Variants in KIAA1217 observed in about 807,000 individuals in gnomAD.
KIAA1217 encodes KIAA1217.
Under a neutral mutation model 163.9 loss-of-function variants are expected in KIAA1217, and 88 were observed. The ratio of observed to expected loss-of-function variants is 0.54; its 90% CI spans 0.45 to 0.64. The LOEUF is 0.64. Ranked by LOEUF, KIAA1217 falls within the 30% of genes least tolerant of loss-of-function variation. The pLI, the probability that KIAA1217 is intolerant of heterozygous loss-of-function variation, is 0.00. For missense variants in KIAA1217, 2,372 were observed against 2,475.0 expected (o/e 0.96, Z 0.88); for synonymous variants, 903 against 923.1 (o/e 0.98, Z 0.39).
At chr10:24,277,818 A>C (rs373357347) in intron 2 of KIAA1217, among the ~76,000 whole-genome samples, 1 of 152,186 alleles carries the variant, frequency 6.6e-6, no homozygotes, top group East Asian at 1.9e-4. Context: ...TAATCGCAGC[A>C]TGAGAATGGC....
intron 2 of KIAA1217, among the ~76,000 whole-genome samples, chr10:24,302,715 G>A (rs930756981): frequency 2.0e-5 from 3 of 152,068 alleles, no homozygotes; most frequent in Non-Finnish European, 2.9e-5. Flanking sequence ...AAGGGAAATC[G>A]ACACAGGAGA....
intron 2 of KIAA1217, among the ~76,000 whole-genome samples, chr10:24,168,871 G>A (rs1305813619): frequency 3.9e-5 from 6 of 152,214 alleles, no homozygotes; most frequent in Non-Finnish European, 8.8e-5. Context: ...AGAATCTAAA[G>A]AGGCCATTTT....
At chr10:24,195,324 C>T (rs369842498) in intron 2 of KIAA1217, among the ~76,000 whole-genome samples, 3 of 152,138 alleles carry the variant, frequency 2.0e-5, no homozygotes, top group South Asian at 2.1e-4. Context: ...AGACCCTGAC[C>T]GAGAAAACCA....
chr10:24,408,561 C>T (rs1212224423), intron 3 of KIAA1217, among the ~76,000 whole-genome samples: 1 of 152,204 alleles, frequency 6.6e-6, no homozygotes, highest in Non-Finnish European at 1.5e-5. Context: ...AGCCTTGGCT[C>T]ATCCCCTGCC....
At chr10:24,475,526 G>A (rs542884992) in intron 6 of KIAA1217, among the ~76,000 whole-genome samples, 2 of 152,248 alleles carry the variant, frequency 1.3e-5, no homozygotes, top group East Asian at 3.9e-4. Context: ...GAAAGTTCTG[G>A]GATCATTAAT....
intron 17 of KIAA1217, among the ~76,000 whole-genome samples, chr10:24,538,321 T>A (rs537768216): frequency 6.6e-6 from 1 of 152,206 alleles, no homozygotes; most frequent in East Asian, 1.9e-4. Flanking sequence ...CATGTGACAC[T>A]GTTAATGGGG....
At chr10:24,526,451 T>A (rs1172947007) in intron 13 of KIAA1217, among the ~76,000 whole-genome samples, 2 of 152,202 alleles carry the variant, frequency 1.3e-5, no homozygotes, top group Admixed American at 6.5e-5. Context: ...ACTTAAGACG[T>A]CTTGCCACTT....
At chr10:23,981,625 A>C (rs1845769032) in intron 1 of KIAA1217, among the ~76,000 whole-genome samples, 1 of 152,110 alleles carries the variant, frequency 6.6e-6, no homozygotes, top group African/African-American at 2.4e-5. Context: ...AGAACAAAGG[A>C]GCTTGTTATT....
At chr10:24,464,470 C>G (rs2062741387) in intron 5 of KIAA1217, among the ~76,000 whole-genome samples, 1 of 152,144 alleles carries the variant, frequency 6.6e-6, no homozygotes, top group African/African-American at 2.4e-5. Flanking sequence ...GACATGGTTT[C>G]TTGTGGTTTT....
chr10:23,914,783 T>G (rs1045395004), intron 1 of KIAA1217, among the ~76,000 whole-genome samples: 4 of 152,100 alleles, frequency 2.6e-5, no homozygotes, highest in African/African-American at 9.7e-5. Context: ...ATTCTCCTTT[T>G]CAGTTAAGTT....
chr10:23,894,120 G>T (rs537844551), intron 1 of KIAA1217, among the ~76,000 whole-genome samples: 1 of 149,796 alleles, frequency 6.7e-6, no homozygotes, highest in Non-Finnish European at 1.5e-5. Context: ...ATTCAACATA[G>T]TGTTGGAAGT....
At chr10:24,249,863 G>A (rs2074272164) in intron 2 of KIAA1217, among the ~76,000 whole-genome samples, 1 of 152,206 alleles carries the variant, frequency 6.6e-6, no homozygotes, top group South Asian at 2.1e-4. Context: ...CCTAGGGCAT[G>A]TTTCTGAGAT....
chr10:24,419,602 C>G (rs1021163592), intron 3 of KIAA1217, among the ~76,000 whole-genome samples: 28 of 152,092 alleles, frequency 1.8e-4, no homozygotes, highest in Non-Finnish European at 3.7e-4. Context: ...GGATCAGTGC[C>G]TGGCACATAG....
chr10:23,703,019 T>C (rs1397134185), intron 1 of KIAA1217, among the ~76,000 whole-genome samples: 1 of 152,014 alleles, frequency 6.6e-6, no homozygotes, highest in Non-Finnish European at 1.5e-5. Context: ...TTGCCCTCTG[T>C]ATTCTGGTCC....
intron 1 of KIAA1217, among the ~76,000 whole-genome samples, chr10:23,980,943 C>G (rs1302782492): frequency 6.6e-6 from 1 of 152,160 alleles, no homozygotes; most frequent in Non-Finnish European, 1.5e-5. Flanking sequence ...GCTATTTTTA[C>G]TCTGAAATCT....
At chr10:24,528,317 T>G (rs2072532988) in intron 14 of KIAA1217, among the ~76,000 whole-genome samples, 198 bp downstream of exon 14, 1 of 123,824 alleles carries the variant, frequency 8.1e-6, no homozygotes, top group African/African-American at 3.0e-5. Flanking sequence ...TTGTTTTTTT[T>G]TTTTGTTTTT....
intron 2 of KIAA1217, among the ~76,000 whole-genome samples, chr10:24,190,525 A>G (rs1349830135): frequency 6.6e-6 from 1 of 152,178 alleles, no homozygotes; most frequent in Non-Finnish European, 1.5e-5. Flanking sequence ...CGTGGGCTTT[A>G]GAAGTTAGGG....
chr10:24,390,412 C>T (rs1049675091), intron 3 of KIAA1217, among the ~76,000 whole-genome samples: 2 of 138,810 alleles, frequency 1.4e-5, no homozygotes, highest in East Asian at 2.3e-4. Flanking sequence ...AAAATAAAAC[C>T]GATACACACA....
At chr10:24,519,869 G>A (rs2070810351) in intron 10 of KIAA1217, among the ~76,000 whole-genome samples, 1 of 152,106 alleles carries the variant, frequency 6.6e-6, no homozygotes, top group South Asian at 2.1e-4. Flanking sequence ...CTGTTAGCCA[G>A]GCACAATCGT....
Sources: gnomAD v4.1 joint callset for allele counts (sites outside exome capture counted in the v4.1 genomes callset) on GRCh38, gnomAD v4.1.1 for gene constraint, MANE v1.5 for transcripts, NCBI Gene and HGNC (gene_info 2026-07-23, HGNC 2026-07-21) for gene names.